The following RNF141 variants were observed in gnomAD, a reference collection of about 807,000 sequenced individuals.
RNF141 encodes the protein ring finger protein 141.
A neutral mutation model predicts 27.4 loss-of-function variants in RNF141; 18 were observed. The observed-to-expected ratio is 0.66, with a 90% CI of 0.45 to 0.97. The LOEUF (loss-of-function observed/expected upper bound fraction) is 0.97. Among genes scored for constraint, RNF141 ranks in the 50% least tolerant of loss-of-function variants. RNF141 has a pLI of 0.00. For synonymous variants in RNF141, 97 were observed against 96.6 expected, an observed-to-expected ratio of 1.00 and a Z score of -0.02; for missense variants, 230 against 279.4, an observed-to-expected ratio of 0.82 and a Z score of 1.26.
At chr11:10,525,908 C>CA (rs1454791271) in intron 3 of RNF141, among the ~76,000 whole-genome samples, 3 of 152,060 alleles carry the variant, frequency 2.0e-5, no homozygotes, top group Admixed American at 6.6e-5. Flanking sequence ...TGAGCTTTAT[C>CA]AAAAAACTCG....
intron 4 of RNF141, among the ~76,000 whole-genome samples, chr11:10,519,911 A>C (rs1457001491): frequency 6.6e-6 from 1 of 152,174 alleles, no homozygotes; most frequent in Admixed American, 6.5e-5. Context: ...CCTGGGCCAC[A>C]CTGGAAGAAC....
chr11:10,532,033 A>G, intron 2 of RNF141: 1 of 453,676 alleles, frequency 2.2e-6, no homozygotes, highest in South Asian at 1.6e-5. Context: ...AATAAAAGGA[A>G]GACCTCTGTA....
At chr11:10,519,884 T>C (rs1174801424) in intron 4 of RNF141, among the ~76,000 whole-genome samples, 2 of 152,178 alleles carry the variant, frequency 1.3e-5, no homozygotes, top group Non-Finnish European at 2.9e-5. Flanking sequence ...GACAGGAGTG[T>C]ACAATCTTTT....
At chr11:10,520,776 A>G (rs1849882029) in intron 4 of RNF141, among the ~76,000 whole-genome samples, 2 of 152,246 alleles carry the variant, frequency 1.3e-5, no homozygotes, top group Admixed American at 6.5e-5. Flanking sequence ...GCATCACAAT[A>G]TTAGGATGGC....
chr11:10,523,287 T>A (rs1849904376), intron 4 of RNF141, among the ~76,000 whole-genome samples: 1 of 152,206 alleles, frequency 6.6e-6, no homozygotes, highest in South Asian at 2.1e-4. Context: ...CACCATAAAG[T>A]AATAGGTTAG....
intron 3 of RNF141, 26 bp downstream of exon 3, chr11:10,530,617 G>T: frequency 7.6e-7 from 1 of 1,323,370 alleles, no homozygotes; most frequent in Non-Finnish European, 1.1e-6. Context: ...CTTAAGCTCA[G>T]AGGTAGAAGT....
intron 4 of RNF141, among the ~76,000 whole-genome samples, chr11:10,522,637 T>C (rs1849897113): frequency 6.6e-6 from 1 of 152,224 alleles, no homozygotes; most frequent in South Asian, 2.1e-4. Flanking sequence ...GAGAATTTGA[T>C]GACTGTTTTC....
chr11:10,516,501 T>C (rs1271598758), intron 5 of RNF141: 5 of 152,224 alleles, frequency 3.3e-5, no homozygotes, highest in Admixed American at 6.5e-5. Flanking sequence ...GCTGAGAATC[T>C]TGGGGGGCCA....
chr11:10,519,944 T>TACTAAC (rs1052312123), intron 4 of RNF141, among the ~76,000 whole-genome samples: 3 of 152,124 alleles, frequency 2.0e-5, no homozygotes, highest in African/African-American at 7.2e-5. Context: ...GCCACATATA[T>TACTAAC]ACTAACACTA....
chr11:10,533,137 G>A (rs1850002938), intron 2 of RNF141, among the ~76,000 whole-genome samples: 1 of 152,186 alleles, frequency 6.6e-6, no homozygotes, highest in South Asian at 2.1e-4. Flanking sequence ...AAAGGTAGAT[G>A]TGGATGTTGC....
intron 4 of RNF141, among the ~76,000 whole-genome samples, chr11:10,524,058 G>A (rs1475436298): frequency 6.6e-6 from 1 of 152,190 alleles, no homozygotes; most frequent in Non-Finnish European, 1.5e-5. Context: ...GTAACATAGT[G>A]CTTGAAAACC....
intron 3 of RNF141, among the ~76,000 whole-genome samples, chr11:10,525,962 C>T (rs1478065903): frequency 6.6e-6 from 1 of 152,090 alleles, no homozygotes; most frequent in Non-Finnish European, 1.5e-5. Context: ...TGTACCTTTA[C>T]AGGTTGTACC....
In RNF141 at chr11:10,525,393, G is replaced by A; in HGVS notation, c.253-20C>T. ...GTTAATCTAAAAATACAAAGAACAT[G>A]AAAAAGAAAAGTTGATCATTTCTCT... On this transcript the variant is annotated intron_variant, in intron 3 of 5. Transcript: ENST00000265981. 1 of 1,527,888 alleles carries A rather than the reference G, an allele frequency of 6.5e-7. No homozygotes were observed. Among genetic ancestry groups the A allele is most frequent in the Non-Finnish European group, 8.8e-7 (1 of 1,133,450 alleles). The allele number at this position is 1,527,888 out of a possible 1,614,324, so 94.6% of individuals were successfully genotyped here.
At chr11:10,522,777 T>C (rs528124326) in intron 4 of RNF141, among the ~76,000 whole-genome samples, 2 of 152,358 alleles carry the variant, frequency 1.3e-5, no homozygotes, top group African/African-American at 4.8e-5. Context: ...CAAATTATTA[T>C]GTGTCAAGCA....
At chr11:10,527,651 G>A (rs936515526) in intron 3 of RNF141, among the ~76,000 whole-genome samples, 40 of 150,262 alleles carry the variant, frequency 2.7e-4, no homozygotes, top group Admixed American at 2.6e-3. Flanking sequence ...GTCACGGGGG[G>A]GGGTTTTGAG....
chr11:10,518,985 A>C, intron 5 of RNF141, 49 bp downstream of exon 5: 1 of 1,395,384 alleles, frequency 7.2e-7, no homozygotes, highest in Non-Finnish European at 1.0e-6. Flanking sequence ...ATTCATGTAC[A>C]CTATCCCACT....
chr11:10,513,021 A>T lies in RNF141; in HGVS notation c.*1895T>A, dbSNP rs1225550052. On this transcript the variant is annotated 3_prime_UTR_variant, in exon 6 of 6. Coordinates refer to ENST00000265981, the MANE Select transcript of RNF141 (RefSeq NM_016422.4). ...TTTTTGCTGCTGAAATAGTGTGAAA[A>T]CCACAAATAAAGTCTCAGTTTCTAA... 6.6e-6 allele frequency: 1 copy of T among 152,218 alleles called. No homozygotes were observed. The highest frequency in any genetic ancestry group is 1.5e-5 in the Non-Finnish European group (1 of 68,042). 9.4% of individuals were successfully genotyped at this position (152,218 alleles called of 1,614,324 possible).
At chr11:10,532,496 T>TAC (rs10559393) in intron 2 of RNF141, among the ~76,000 whole-genome samples, 28,941 of 130,786 alleles carry the variant, frequency 0.22, 2,845 homozygotes, top group Non-Finnish European at 0.25. Context: ...GTTCATTTTC[T>TAC]ACACACACAC....
At chr11:10,519,232 A>G (rs1337803111) in intron 4 of RNF141, 91 bp from the exon 5 acceptor site, 6 of 1,054,926 alleles carry the variant, frequency 5.7e-6, no homozygotes, top group African/African-American at 1.6e-5. Context: ...TTAAACATCT[A>G]TATGCCCACA....
Sources: allele counts gnomAD v4.1 joint callset (sites outside exome capture counted in the v4.1 genomes callset), GRCh38; gene constraint gnomAD v4.1.1; transcripts MANE v1.5; gene names NCBI Gene and HGNC (gene_info 2026-07-23, HGNC 2026-07-21).